ARSJ: variants seen among roughly 807,000 people sequenced by gnomAD.
ARSJ encodes arylsulfatase family member J, also known as arylsulfatase J.
In ARSJ, 26 loss-of-function variants were observed where a neutral mutation model predicts 35.9. That is an observed-to-expected ratio of 0.72 (90% confidence interval 0.53 to 1.00). The LOEUF is 1.00. ARSJ is among the 50% of genes least tolerant of loss of function. The pLI, the probability that ARSJ is intolerant of heterozygous loss-of-function variation, is 0.00. For missense variants in ARSJ, 667 were observed against 723.6 expected (o/e 0.92, Z 0.90); for synonymous variants, 294 against 267.6 (o/e 1.10, Z -0.96).
chr4:113,948,545 C>T (rs1002770873), intron 1 of ARSJ, among the ~76,000 whole-genome samples: 14 of 150,828 alleles, frequency 9.3e-5, no homozygotes, highest in Non-Finnish European at 1.3e-4. Context: ...TATTATGCTA[C>T]GATAATAGTT....
chr4:113,963,841 G>T (rs765190489), intron 1 of ARSJ, among the ~76,000 whole-genome samples: 47 of 152,050 alleles, frequency 3.1e-4, no homozygotes, highest in Non-Finnish European at 5.7e-4. Flanking sequence ...ATTTCTAAAG[G>T]TATACATTTA....
At chr4:113,965,675 T>C (rs1010408831) in intron 1 of ARSJ, among the ~76,000 whole-genome samples, 18 of 152,130 alleles carry the variant, frequency 1.2e-4, no homozygotes, top group Non-Finnish European at 2.5e-4. Flanking sequence ...AGCACATACA[T>C]GCCAAATAAA....
chr4:113,918,745 A>T (rs1354479900), intron 1 of ARSJ, among the ~76,000 whole-genome samples: 1 of 152,158 alleles, frequency 6.6e-6, no homozygotes, highest in Admixed American at 6.5e-5. Context: ...TTGGATTTTA[A>T]ATTCCAATAC....
At chr4:113,944,744 G>A (rs1725368273) in intron 1 of ARSJ, among the ~76,000 whole-genome samples, 1 of 152,018 alleles carries the variant, frequency 6.6e-6, no homozygotes, top group Admixed American at 6.6e-5. Flanking sequence ...TTTTGCCATA[G>A]CAATGTAAAT....
At chr4:113,907,729 C>T (rs1336582720) in intron 1 of ARSJ, among the ~76,000 whole-genome samples, 2 of 152,090 alleles carry the variant, frequency 1.3e-5, no homozygotes, top group South Asian at 2.1e-4. Flanking sequence ...AAATGTGGTA[C>T]GTATAACCCA....
chr4:113,929,584 A>G (rs1252140702), intron 1 of ARSJ, among the ~76,000 whole-genome samples: 1 of 152,004 alleles, frequency 6.6e-6, no homozygotes, highest in African/African-American at 2.4e-5. Flanking sequence ...TTCTTTTCCA[A>G]TCAATGCCCT....
chr4:113,951,915 T>C (rs1461258490), intron 1 of ARSJ, among the ~76,000 whole-genome samples: 2 of 152,112 alleles, frequency 1.3e-5, no homozygotes, highest in Non-Finnish European at 2.9e-5. Context: ...ATTCCCTTTT[T>C]AATGTCACGT....
intron 1 of ARSJ, among the ~76,000 whole-genome samples, chr4:113,950,574 G>T (rs11724381): frequency 0.18 from 27,996 of 151,886 alleles, 2,957 homozygotes; most frequent in South Asian, 0.26. Flanking sequence ...AATATAAGAT[G>T]AGGGAAAGGG....
intron 1 of ARSJ, among the ~76,000 whole-genome samples, chr4:113,927,354 C>A (rs1724135510): frequency 6.6e-6 from 1 of 152,182 alleles, no homozygotes; most frequent in Non-Finnish European, 1.5e-5. Flanking sequence ...AACTGTCTCA[C>A]CAATAAGTTT....
chr4:113,962,979 G>A (rs1295120229), intron 1 of ARSJ, among the ~76,000 whole-genome samples: 1 of 151,976 alleles, frequency 6.6e-6, no homozygotes, highest in Non-Finnish European at 1.5e-5. Flanking sequence ...TGTTCCTGTT[G>A]TAATACTTAT....
rs17620564 is a variant in ARSJ at position 113,902,160 on chromosome 4, A to C, written c.*114T>G. 0.022 allele frequency: 35,053 copies of C among 1,598,416 alleles called. 1,452 individuals carry two copies. Among genetic ancestry groups the C allele is most frequent in the East Asian group, 0.19 (8,350 of 44,850 alleles). On this transcript the variant is annotated 3_prime_UTR_variant, in exon 2 of 2. Transcript: ENST00000315366. Reference sequence around the variant, plus strand: ...GTCTCTGGAGTGGCACAGCATGAAAACAAGCCTGACGCTTAGGCCAGCGAT... The same window carrying C: ...GTCTCTGGAGTGGCACAGCATGAAACCAAGCCTGACGCTTAGGCCAGCGAT...
At chr4:113,941,269 G>A (rs933652225) in intron 1 of ARSJ, among the ~76,000 whole-genome samples, 4 of 152,002 alleles carry the variant, frequency 2.6e-5, no homozygotes, top group African/African-American at 9.7e-5. Context: ...CAAACACTTT[G>A]CAGTTACATA....
At chr4:113,925,804 C>T (rs768436389) in intron 1 of ARSJ, among the ~76,000 whole-genome samples, 25 of 152,154 alleles carry the variant, frequency 1.6e-4, no homozygotes, top group Non-Finnish European at 3.1e-4. Context: ...CAAACCACTG[C>T]CCTTTACATG....
chr4:113,969,866 C>T (rs1012732626), intron 1 of ARSJ, among the ~76,000 whole-genome samples: 1 of 152,172 alleles, frequency 6.6e-6, no homozygotes, highest in East Asian at 1.9e-4. Flanking sequence ...GGATTGGGTG[C>T]TGTGAGATTT....
chr4:113,961,353 G>T (rs1452032247), intron 1 of ARSJ, among the ~76,000 whole-genome samples: 2 of 152,060 alleles, frequency 1.3e-5, no homozygotes, highest in Non-Finnish European at 2.9e-5. Context: ...GATATGTTCT[G>T]TAGTGCTTGT....
At chr4:113,929,560 G>A (rs776563152) in intron 1 of ARSJ, among the ~76,000 whole-genome samples, 17 of 152,132 alleles carry the variant, frequency 1.1e-4, no homozygotes, top group Non-Finnish European at 2.2e-4. Flanking sequence ...CCCATTCCAA[G>A]TTGCAGGGTC....
chr4:113,939,457 C>A (rs1724998984), intron 1 of ARSJ, among the ~76,000 whole-genome samples: 1 of 152,030 alleles, frequency 6.6e-6, no homozygotes, highest in South Asian at 2.1e-4. Flanking sequence ...AATGGTATTT[C>A]TAGTTCTAGA....
intron 1 of ARSJ, among the ~76,000 whole-genome samples, chr4:113,955,240 T>C (rs934165527): frequency 6.6e-6 from 1 of 152,046 alleles, no homozygotes. Context: ...TAAATCTAGA[T>C]TGAGAAAGTC....
chr4:113,913,724 G>A (rs1723096744), intron 1 of ARSJ, among the ~76,000 whole-genome samples: 1 of 152,006 alleles, frequency 6.6e-6, no homozygotes, highest in South Asian at 2.1e-4. Flanking sequence ...TTTTCAATAT[G>A]ACTACAGAAT....
Sources: gnomAD v4.1 joint callset for allele counts (sites outside exome capture counted in the v4.1 genomes callset) on GRCh38, gnomAD v4.1.1 for gene constraint, MANE v1.5 for transcripts, NCBI Gene and HGNC (gene_info 2026-07-23, HGNC 2026-07-21) for gene names.